DMD: variants seen among roughly 807,000 people sequenced by gnomAD.
The protein encoded by DMD is mutant dystrophin.
DMD carries 63 observed loss-of-function variants against 330.1 expected under a neutral mutation model. The ratio of observed to expected loss-of-function variants is 0.19; its 90% CI spans 0.16 to 0.24. The LOEUF is 0.24. Among genes scored for constraint, DMD ranks in the 10% least tolerant of loss-of-function variants. The pLI is 1.00. For missense variants in DMD, 3,344 were observed against 2,684.1 expected (o/e 1.25, Z -5.43); for synonymous variants, 1,223 against 959.8 (o/e 1.27, Z -5.07).
At chrX:32,554,197 C>A (rs1463829443) in intron 16 of DMD, among the ~76,000 whole-genome samples, 1 of 111,921 alleles carries the variant, frequency 8.9e-6, no homozygotes, top group East Asian at 2.8e-4. Flanking sequence ...AAGATCTTAA[C>A]AGCCTAACAT....
chrX:32,483,279 T>C (rs776363843), intron 21 of DMD, among the ~76,000 whole-genome samples: 1 of 104,025 alleles, frequency 9.6e-6, no homozygotes, highest in Admixed American at 1.1e-4. Context: ...TGTTTACATA[T>C]AATAGCAGTG....
In DMD at chrX:33,054,162, T is replaced by C. The variant is rs761964311; in HGVS notation, c.32-33962A>G. 1.7e-3 allele frequency among the ~76,000 whole-genome samples: 192 copies of C among 112,029 alleles called. 1 individual carries two copies. Among genetic ancestry groups the C allele is most frequent in the African/African-American group, 6.0e-3 (184 of 30,893 alleles). ...GGTAACAGCCATGGAAACAGAATGA[T>C]CACATCAGTTAATTGTTCAACTTAC... On this transcript the variant is annotated intron_variant, in intron 1 of 78. Transcript: ENST00000357033.
In DMD at chrX:31,875,447, C is replaced by T; in HGVS notation, c.6913-74G>A. 1.0e-5 allele frequency: 8 copies of T among 787,439 alleles called. No homozygotes were observed. In the South Asian group the frequency reaches 1.4e-4, roughly 14 times the overall value. 64.9% of individuals were successfully genotyped at this position (787,439 alleles called of 1,213,427 possible). On this transcript the variant is annotated intron_variant, in intron 47 of 78. Coordinates refer to ENST00000357033, the MANE Select transcript of DMD (RefSeq NM_004006.3). ...GCCAAAATGTTTAAAAATATATTTT[C>T]AAAAGTTATTTATCATGAAATATTA...
chrX:31,573,771 A>G (rs2075947270), intron 55 of DMD, among the ~76,000 whole-genome samples: 1 of 111,473 alleles, frequency 9.0e-6, no homozygotes, highest in South Asian at 3.8e-4. Context: ...ACCAGAAATA[A>G]GAGATAGAAG....
At chrX:32,819,298 T>A (rs2078025690) in intron 5 of DMD, among the ~76,000 whole-genome samples, 1 of 110,899 alleles carries the variant, frequency 9.0e-6, no homozygotes, top group Admixed American at 9.6e-5. Context: ...GCAAATTGTA[T>A]CAATAATATG....
chrX:32,914,747 C>G (rs1026850337), intron 2 of DMD, among the ~76,000 whole-genome samples: 1 of 112,479 alleles, frequency 8.9e-6, no homozygotes, highest in African/African-American at 3.2e-5. Context: ...AAGATAAATT[C>G]TAGGGATGGG....
intron 7 of DMD, among the ~76,000 whole-genome samples, chrX:32,803,354 CTCTT>C (rs2148706051): frequency 9.1e-6 from 1 of 110,055 alleles, no homozygotes; most frequent in African/African-American, 3.3e-5. Context: ...TGATTCTTCT[CTCTT>C]TTCTTCTTTT....
chrX:32,330,460 A>G (rs1450748834), intron 41 of DMD, among the ~76,000 whole-genome samples: 1 of 111,924 alleles, frequency 8.9e-6, no homozygotes. Context: ...TGATTTAATT[A>G]TTTTTAACCA....
intron 30 of DMD, among the ~76,000 whole-genome samples, chrX:32,394,329 C>A (rs940118962): frequency 9.0e-6 from 1 of 111,507 alleles, no homozygotes. Flanking sequence ...ATCATGTTAA[C>A]AGTAACCAGG....
At chrX:32,980,868 G>A (rs928895981) in intron 2 of DMD, among the ~76,000 whole-genome samples, 1 of 111,654 alleles carries the variant, frequency 9.0e-6, no homozygotes, top group African/African-American at 3.3e-5. Flanking sequence ...ATAGCATTAA[G>A]TCTTCTTATT....
At chrX:32,291,855 T>C (rs1407711775) in intron 42 of DMD, among the ~76,000 whole-genome samples, 1 of 111,827 alleles carries the variant, frequency 8.9e-6, no homozygotes, top group Non-Finnish European at 1.9e-5. Context: ...TTTTCACATT[T>C]GGATACATGG....
intron 17 of DMD, among the ~76,000 whole-genome samples, chrX:32,539,729 C>A (rs1387300463): frequency 9.0e-6 from 1 of 111,640 alleles, no homozygotes; most frequent in Non-Finnish European, 1.9e-5. Context: ...CACAATTTAA[C>A]TTCATCTGGA....
At chrX:32,731,177 C>G (rs1410190172) in intron 7 of DMD, among the ~76,000 whole-genome samples, 1 of 112,122 alleles carries the variant, frequency 8.9e-6, no homozygotes, top group Non-Finnish European at 1.9e-5. Flanking sequence ...TCGGGTCACA[C>G]CCACCCGAAT....
chrX:32,730,112 C>T (rs992866742), intron 7 of DMD, among the ~76,000 whole-genome samples: 1 of 111,746 alleles, frequency 8.9e-6, no homozygotes, highest in Non-Finnish European at 1.9e-5. Flanking sequence ...GCAGGAGGAT[C>T]GCTTGAGGCC....
At chrX:32,131,949 C>A (rs2096697461) in intron 44 of DMD, among the ~76,000 whole-genome samples, 1 of 111,465 alleles carries the variant, frequency 9.0e-6, no homozygotes, top group African/African-American at 3.3e-5. Context: ...TCTGTCATAT[C>A]AACCTCAAGG....
chrX:32,844,416 AAAAAAGAAAAG>A lies in DMD; in HGVS notation c.264+356_264+366del, dbSNP rs758754648. Among the ~76,000 whole-genome samples the A allele has an allele frequency of 1.2e-4, 7 of 57,162 alleles. No homozygotes were observed. In the East Asian group the frequency reaches 1.9e-3, roughly 15 times the overall value. The allele number at this position is 57,162 out of a possible 115,157, so 49.6% of individuals were successfully genotyped here. ...AGCGAGACTCCATCTCAAAAAAAAA[AAAAAAGAAAAG>A]AAAAGAAAAGAAAAGAAAAAAGAAA... On this transcript the variant is annotated intron_variant, in intron 4 of 78. Transcript: ENST00000357033.
chrX:31,545,582 G>A (rs1047543957), intron 55 of DMD, among the ~76,000 whole-genome samples: 1 of 112,496 alleles, frequency 8.9e-6, no homozygotes, highest in Admixed American at 9.4e-5. Context: ...TAAAAAGAAA[G>A]TATTCTAGGG....
Position 32,560,500 on chromosome X carries a change from T to A in DMD, c.1992+5202A>T, listed in dbSNP as rs183920112. On this transcript the variant is annotated intron_variant, in intron 16 of 78. Transcript: ENST00000357033. ...TGGATGTGTAGGTTTGTTATGGAGG[T>A]AAATGTGTGCCACGGTGGTATGGTG... is the stretch of plus-strand genomic sequence containing the variant. Among the ~76,000 whole-genome samples, 302 of 110,584 alleles carry A rather than the reference T, an allele frequency of 2.7e-3. 2 individuals carry two copies. The highest frequency in any genetic ancestry group is 9.6e-3 in the African/African-American group (291 of 30,428).
intron 44 of DMD, among the ~76,000 whole-genome samples, chrX:32,089,361 G>T (rs771721843): frequency 7.2e-5 from 8 of 111,367 alleles, no homozygotes; most frequent in Non-Finnish European, 1.5e-4. Context: ...GCGGGGGTTT[G>T]GTGTAAAGAT....
Sources: allele counts gnomAD v4.1 joint callset (sites outside exome capture counted in the v4.1 genomes callset), GRCh38; gene constraint gnomAD v4.1.1; transcripts MANE v1.5; gene names NCBI Gene and HGNC (gene_info 2026-07-23, HGNC 2026-07-21).